The following ZNF469 variants were observed in gnomAD, a reference collection of about 807,000 sequenced individuals.
ZNF469 encodes the protein zinc finger protein 469.
ZNF469 carries 1 observed loss-of-function variant against 1.0 expected under a neutral mutation model. The ratio of observed to expected loss-of-function variants is 1.00; its 90% CI spans 0.35 to 4.73. ZNF469 has a LOEUF of 4.73. Ranked by LOEUF, ZNF469 falls within the 30% of genes most tolerant of loss-of-function variation. ZNF469 has a pLI of 0.16. For synonymous variants in ZNF469, 2,703 were observed against 2,363.4 expected (o/e 1.14, Z -4.17); for missense variants, 6,100 against 5,356.3 (o/e 1.14, Z -4.33).
the ZNF469 span, chr16:88,178,839 GGTGCTGA>G: frequency 6.7e-6 from 1 of 148,948 alleles, no homozygotes; most frequent in African/African-American, 2.5e-5. Flanking sequence ...CCAAAGGGAG[GGTGCTGA>G]CCACCTTCAC....
At chr16:88,232,239 G>C in the ZNF469 span, among the ~76,000 whole-genome samples, 1 of 152,220 alleles carries the variant, frequency 6.6e-6, no homozygotes, top group Non-Finnish European at 1.5e-5. Flanking sequence ...CTCAACCTGA[G>C]GGCAGGATGA....
chr16:88,337,352 T>A, the ZNF469 span, among the ~76,000 whole-genome samples: 4 of 152,202 alleles, frequency 2.6e-5, no homozygotes, highest in Admixed American at 2.6e-4. Context: ...CTCTCTTGCC[T>A]CCTGCCATGT....
chr16:88,390,683 G>C (rs1221201720), intron 1 of ZNF469, among the ~76,000 whole-genome samples: 3 of 152,248 alleles, frequency 2.0e-5, no homozygotes, highest in Admixed American at 6.5e-5. Context: ...CCAGAGGGTA[G>C]AAGCCAGCAG....
chr16:88,433,431 C>T lies in ZNF469; in HGVS notation c.5961C>T (p.Gly1987=). 6.5e-7 allele frequency: 1 copy of T among 1,550,340 alleles called. No homozygotes were observed. The highest frequency in any genetic ancestry group is 8.7e-7 in the Non-Finnish European group (1 of 1,146,956). The change falls in exon 3 of 3, where the codon GGC becomes GGT. Residue 1987 remains glycine (G), a synonymous_variant. Coordinates refer to ENST00000565624, the MANE Select transcript of ZNF469 (RefSeq NM_001367624.2). Reference sequence around the variant, plus strand: ...CAGATGGACATTGGGGCTTGCTTGGCCAAGCCGAGAAAACCCAGGGCCAAG... The same window carrying T: ...CAGATGGACATTGGGGCTTGCTTGGTCAAGCCGAGAAAACCCAGGGCCAAG... ...LEADGHWGLL[G]QAEKTQGQGT...
chr16:88,328,211 G>C, the ZNF469 span, among the ~76,000 whole-genome samples: 1 of 152,260 alleles, frequency 6.6e-6, no homozygotes, highest in African/African-American at 2.4e-5. Context: ...GGCCAGGCCG[G>C]ACACTTCAGT....
the ZNF469 span, among the ~76,000 whole-genome samples, chr16:88,157,325 T>A: frequency 6.6e-6 from 1 of 152,142 alleles, no homozygotes. Flanking sequence ...TGGGGCCCAC[T>A]TTCTTCCACA....
the ZNF469 span, among the ~76,000 whole-genome samples, chr16:88,349,584 TACAC>T: frequency 5.8e-4 from 76 of 130,710 alleles, no homozygotes; most frequent in African/African-American, 2.1e-3. Context: ...CCAAGCACAA[TACAC>T]ACACCACACA....
the ZNF469 span, among the ~76,000 whole-genome samples, chr16:88,256,695 C>T: frequency 1.3e-5 from 2 of 152,166 alleles, no homozygotes; most frequent in Non-Finnish European, 2.9e-5. Flanking sequence ...GTTCCTGTTG[C>T]TCCACATCCT....
chr16:88,301,226 C>G, the ZNF469 span, among the ~76,000 whole-genome samples: 1 of 151,798 alleles, frequency 6.6e-6, no homozygotes, highest in Non-Finnish European at 1.5e-5. Context: ...GCCATCTCAG[C>G]TCACTGCAAG....
At chr16:88,289,158 AATGATGATGATGATGAGG>A in the ZNF469 span, among the ~76,000 whole-genome samples, 1 of 147,396 alleles carries the variant, frequency 6.8e-6, no homozygotes, top group African/African-American at 2.5e-5. Context: ...TGGTGATGGC[AATGATGATGATGATGAGG>A]GTGTTGATGA....
chr16:88,272,478 ATGGATAGATGAG>A, the ZNF469 span, among the ~76,000 whole-genome samples: 1 of 129,040 alleles, frequency 7.7e-6, no homozygotes, highest in Admixed American at 8.0e-5. Context: ...AGGGGGGTGT[ATGGATAGATGAG>A]TGGATAGATG....
chr16:88,283,887 T>C, the ZNF469 span, among the ~76,000 whole-genome samples: 59 of 121,686 alleles, frequency 4.8e-4, no homozygotes, highest in African/African-American at 1.9e-3. Flanking sequence ...CCGGAGTGCC[T>C]GAGGTCTGTG....
the ZNF469 span, among the ~76,000 whole-genome samples, chr16:88,370,073 G>A: frequency 1.3e-5 from 2 of 152,218 alleles, no homozygotes; most frequent in African/African-American, 4.8e-5. Flanking sequence ...TTGATCCTGT[G>A]GCCGGGATGT....
chr16:88,321,740 T>C, the ZNF469 span, among the ~76,000 whole-genome samples: 5 of 151,410 alleles, frequency 3.3e-5, no homozygotes, highest in African/African-American at 1.2e-4. Flanking sequence ...GACCCTTGGC[T>C]TCTGCACATG....
chr16:88,162,943 T>C, the ZNF469 span, among the ~76,000 whole-genome samples: 1 of 152,192 alleles, frequency 6.6e-6, no homozygotes, highest in African/African-American at 2.4e-5. Context: ...CCCTTTAAAG[T>C]TGGATGGACG....
the ZNF469 span, among the ~76,000 whole-genome samples, chr16:88,362,554 G>A: frequency 8.4e-3 from 1,274 of 151,786 alleles, 7 homozygotes; most frequent in Non-Finnish European, 0.014. Flanking sequence ...TTCTTTCATC[G>A]CTTTAAAGAT....
At chr16:88,320,182 TTA>T in the ZNF469 span, among the ~76,000 whole-genome samples, 1 of 152,226 alleles carries the variant, frequency 6.6e-6, no homozygotes, top group Non-Finnish European at 1.5e-5. Context: ...TTGCACGTGT[TTA>T]CTAAGTGATA....
chr16:88,310,577 A>T, the ZNF469 span, among the ~76,000 whole-genome samples: 11,125 of 127,380 alleles, frequency 0.087, 532 homozygotes, highest in South Asian at 0.19. Context: ...TTTTTTTTTT[A>T]TTAATTTTAT....
chr16:88,268,546 G>A, the ZNF469 span, among the ~76,000 whole-genome samples: 8 of 152,186 alleles, frequency 5.3e-5, no homozygotes, highest in Admixed American at 1.3e-4. Flanking sequence ...TTCTCCTGGC[G>A]TTTTTCTCCT....
Sources: allele counts gnomAD v4.1 joint callset (sites outside exome capture counted in the v4.1 genomes callset), GRCh38; gene constraint gnomAD v4.1.1; transcripts MANE v1.5; gene names NCBI Gene and HGNC (gene_info 2026-07-23, HGNC 2026-07-21).